Variants in SPDYE10 observed in about 807,000 individuals in gnomAD.
SPDYE10 encodes speedy/RINGO cell cycle regulator family member E10.
At chr7:73,137,643 G>A in the SPDYE10 span, among the ~76,000 whole-genome samples, 13 of 85,298 alleles carry the variant, frequency 1.5e-4, no homozygotes, top group South Asian at 1.5e-3. Flanking sequence ...AGAAAGAAAG[G>A]AGAAAGAAAG....
chr7:73,155,018 GGCGCTGCC>G, the SPDYE10 span: 1 of 165,482 alleles, frequency 6.0e-6, no homozygotes, highest in Non-Finnish European at 1.2e-5. Context: ...CTGCTCTGCC[GGCGCTGCC>G]TCCCTCGCCC....
At chr7:73,120,692 G>T in the SPDYE10 span, among the ~76,000 whole-genome samples, 2 of 133,826 alleles carry the variant, frequency 1.5e-5, no homozygotes, top group African/African-American at 3.1e-5. Context: ...GGAGGCTGAG[G>T]CAGGAGAATG....
the SPDYE10 span, among the ~76,000 whole-genome samples, chr7:73,113,660 A>G: frequency 2.6e-5 from 4 of 151,898 alleles, no homozygotes; most frequent in Non-Finnish European, 4.4e-5. Flanking sequence ...TTGGGAGGCC[A>G]TAGCAGGTGG....
At chr7:73,126,884 A>T in the SPDYE10 span, among the ~76,000 whole-genome samples, 2 of 143,440 alleles carry the variant, frequency 1.4e-5, no homozygotes, top group African/African-American at 2.6e-5. Context: ...GTTGCCCAGG[A>T]TGGAAATCTT....
the SPDYE10 span, among the ~76,000 whole-genome samples, chr7:73,129,846 G>GT: frequency 6.6e-5 from 10 of 152,272 alleles, no homozygotes; most frequent in East Asian, 1.2e-3. Context: ...AATATCACTT[G>GT]TTGTTTGTTT....
the SPDYE10 span, among the ~76,000 whole-genome samples, chr7:73,115,272 T>C: frequency 1.3e-5 from 2 of 152,144 alleles, no homozygotes; most frequent in African/African-American, 4.8e-5. Context: ...TGATGCACAA[T>C]TTATTTGAAA....
At chr7:73,135,871 C>CTTTTT in the SPDYE10 span, among the ~76,000 whole-genome samples, 19 of 37,032 alleles carry the variant, frequency 5.1e-4, no homozygotes, top group South Asian at 1.3e-3. Flanking sequence ...CGCACCCGGT[C>CTTTTT]TTTTTTTTTT....
At chr7:73,114,569 C>T in the SPDYE10 span, among the ~76,000 whole-genome samples, 1 of 138,822 alleles carries the variant, frequency 7.2e-6, no homozygotes, top group African/African-American at 2.6e-5. Context: ...CAGAGTCTCA[C>T]TCTGTCACCC....
At chr7:73,134,557 G>GAA in the SPDYE10 span, among the ~76,000 whole-genome samples, 2 of 152,120 alleles carry the variant, frequency 1.3e-5, no homozygotes, top group Non-Finnish European at 2.9e-5. Context: ...AAGAAAGAAA[G>GAA]AAAGAAAGAA....
the SPDYE10 span, chr7:73,154,889 CGCGCA>C: frequency 6.3e-6 from 1 of 159,548 alleles, no homozygotes; most frequent in Non-Finnish European, 1.4e-5. Context: ...GCGCGCGGGC[CGCGCA>C]TGCGCAGCGG....
At chr7:73,150,948 ATTTTT>A in the SPDYE10 span, among the ~76,000 whole-genome samples, 1 of 4,938 alleles carries the variant, frequency 2.0e-4, no homozygotes, top group African/African-American at 8.9e-4. Flanking sequence ...ATATATATAT[ATTTTT>A]TTTTTTTTAC....
At chr7:73,150,954 T>A in the SPDYE10 span, among the ~76,000 whole-genome samples, 6 of 25,544 alleles carry the variant, frequency 2.3e-4, no homozygotes, top group East Asian at 2.4e-3. Flanking sequence ...ATATATTTTT[T>A]TTTTTTTACC....
the SPDYE10 span, among the ~76,000 whole-genome samples, chr7:73,117,072 T>G: frequency 0.044 from 6,245 of 141,632 alleles, no homozygotes; most frequent in Non-Finnish European, 0.071. Context: ...TTTTTGGGTT[T>G]TTTTTTTTGT....
At chr7:73,113,633 C>T in the SPDYE10 span, among the ~76,000 whole-genome samples, 2 of 151,520 alleles carry the variant, frequency 1.3e-5, no homozygotes, top group Non-Finnish European at 2.9e-5. Flanking sequence ...GTGGCTCACG[C>T]CTGTAATCCC....
At chr7:73,142,789 C>T in the SPDYE10 span, among the ~76,000 whole-genome samples, 5 of 152,016 alleles carry the variant, frequency 3.3e-5, no homozygotes, top group African/African-American at 9.7e-5. Context: ...AAAAATTAGC[C>T]GGGTGTGGTG....
At chr7:73,123,576 C>T in the SPDYE10 span, among the ~76,000 whole-genome samples, 5 of 152,200 alleles carry the variant, frequency 3.3e-5, no homozygotes, top group Admixed American at 6.5e-5. Flanking sequence ...AAGCAATTCT[C>T]CTGCCTCACC....
the SPDYE10 span, among the ~76,000 whole-genome samples, chr7:73,136,679 TC>T: frequency 0.022 from 20 of 930 alleles, no homozygotes; most frequent in Non-Finnish European, 0.038. Context: ...CAAGTGATCC[TC>T]CCACCTCGGC....
At chr7:73,126,669 A>T in the SPDYE10 span, among the ~76,000 whole-genome samples, 3 of 146,470 alleles carry the variant, frequency 2.0e-5, no homozygotes, top group Non-Finnish European at 4.4e-5. Flanking sequence ...ATAAAGAGGA[A>T]TTTTTTTTCT....
At chr7:73,149,639 G>A in the SPDYE10 span, among the ~76,000 whole-genome samples, 1 of 151,906 alleles carries the variant, frequency 6.6e-6, no homozygotes, top group African/African-American at 2.4e-5. Context: ...GATAGTTCTG[G>A]TTTCACCTGG....
Sources: gnomAD v4.1 joint callset for allele counts (sites outside exome capture counted in the v4.1 genomes callset) on GRCh38, gnomAD v4.1.1 for gene constraint, MANE v1.5 for transcripts, NCBI Gene and HGNC (gene_info 2026-07-23, HGNC 2026-07-21) for gene names.